The following THRB variants were observed in gnomAD, a reference collection of about 807,000 sequenced individuals.
The protein encoded by THRB is thyroid hormone receptor beta.
THRB carries 12 observed loss-of-function variants against 47.8 expected under a neutral mutation model. That is an observed-to-expected ratio of 0.25 (90% confidence interval 0.16 to 0.41). The LOEUF (loss-of-function observed/expected upper bound fraction) is 0.41. Among genes scored for constraint, THRB ranks in the 10% least tolerant of loss-of-function variants. The pLI, the probability that THRB is intolerant of heterozygous loss-of-function variation, is 1.00. For synonymous variants in THRB, 218 were observed against 212.2 expected (o/e 1.03, Z -0.24); for missense variants, 348 against 589.2 (o/e 0.59, Z 4.24).
chr3:24,255,187 G>C (rs561798413), intron 3 of THRB, among the ~76,000 whole-genome samples: 17 of 152,224 alleles, frequency 1.1e-4, no homozygotes, highest in Middle Eastern at 6.8e-3. Context: ...TTAAAGCACA[G>C]ATCTTAGATC....
At chr3:24,310,360 A>G (rs1210226594) in intron 2 of THRB, among the ~76,000 whole-genome samples, 1 of 152,248 alleles carries the variant, frequency 6.6e-6, no homozygotes, top group African/African-American at 2.4e-5. Flanking sequence ...AAGGAAAGGA[A>G]AACAGAAGAG....
intron 1 of THRB, among the ~76,000 whole-genome samples, chr3:24,466,682 A>G (rs2074181445): frequency 6.6e-6 from 1 of 152,224 alleles, no homozygotes; most frequent in African/African-American, 2.4e-5. Flanking sequence ...TTGTGTTTAT[A>G]CTATAGTGTA....
At chr3:24,405,861 A>G (rs890282260) in intron 1 of THRB, among the ~76,000 whole-genome samples, 1 of 151,586 alleles carries the variant, frequency 6.6e-6, no homozygotes, top group African/African-American at 2.4e-5. Flanking sequence ...CTTTCTGTCA[A>G]TTAGTATAGA....
chr3:24,454,452 CTG>C (rs2072975434), intron 1 of THRB, among the ~76,000 whole-genome samples: 1 of 152,128 alleles, frequency 6.6e-6, no homozygotes, highest in Non-Finnish European at 1.5e-5. Flanking sequence ...TAGCTGCAAA[CTG>C]AGAATATACT....
At chr3:24,123,474 G>C (rs962822638) in intron 10 of THRB, among the ~76,000 whole-genome samples, 1 of 152,158 alleles carries the variant, frequency 6.6e-6, no homozygotes, top group Non-Finnish European at 1.5e-5. Context: ...GAACAATTTT[G>C]AATTTTCACT....
At chr3:24,234,633 G>C (rs777362560) in intron 3 of THRB, among the ~76,000 whole-genome samples, 21 of 152,298 alleles carry the variant, frequency 1.4e-4, no homozygotes, top group Non-Finnish European at 2.4e-4. Flanking sequence ...CAAGGCTTAG[G>C]TGAAGAACCA....
chr3:24,380,981 G>A (rs1018136530), intron 1 of THRB, among the ~76,000 whole-genome samples: 3 of 151,964 alleles, frequency 2.0e-5, no homozygotes, highest in African/African-American at 7.3e-5. Flanking sequence ...TGGGTGTGGT[G>A]GTATGCACCT....
intron 1 of THRB, among the ~76,000 whole-genome samples, chr3:24,409,086 G>A (rs2150154978): frequency 6.6e-6 from 1 of 151,838 alleles, no homozygotes; most frequent in South Asian, 2.1e-4. Context: ...TCTTCTAAAG[G>A]AAGTGGTGGA....
At chr3:24,413,921 A>C (rs889113117) in intron 1 of THRB, among the ~76,000 whole-genome samples, 1 of 151,912 alleles carries the variant, frequency 6.6e-6, no homozygotes, top group Admixed American at 6.6e-5. Flanking sequence ...AAGGACAGAA[A>C]ACCAATTACC....
intron 8 of THRB, among the ~76,000 whole-genome samples, chr3:24,138,303 C>T (rs1258872562): frequency 6.6e-6 from 1 of 151,988 alleles, no homozygotes; most frequent in Admixed American, 6.6e-5. Context: ...GACAGGAAGA[C>T]CTGGGCAGAT....
chr3:24,152,530 T>C, intron 5 of THRB, 40 bp from the exon 6 acceptor site: 4 of 1,107,606 alleles, frequency 3.6e-6, no homozygotes, highest in South Asian at 1.3e-5. Context: ...AAAAATAATA[T>C]GTTAACGTCA....
At chr3:24,271,844 T>A (rs1200833792) in intron 3 of THRB, among the ~76,000 whole-genome samples, 1 of 152,122 alleles carries the variant, frequency 6.6e-6, no homozygotes, top group Non-Finnish European at 1.5e-5. Context: ...CTAGGGAACT[T>A]TGTTTCCCAA....
intron 1 of THRB, among the ~76,000 whole-genome samples, chr3:24,439,024 T>C (rs985716312): frequency 6.6e-6 from 1 of 152,108 alleles, no homozygotes; most frequent in Non-Finnish European, 1.5e-5. Context: ...TCTAGTCTGA[T>C]CCCACAGGGA....
intron 2 of THRB, among the ~76,000 whole-genome samples, chr3:24,308,528 T>C (rs1031511173): frequency 4.6e-5 from 7 of 152,242 alleles, no homozygotes; most frequent in African/African-American, 1.4e-4. Flanking sequence ...GAAATCTTTG[T>C]TATAAAAACA....
intron 1 of THRB, among the ~76,000 whole-genome samples, chr3:24,436,688 T>C (rs1369686128): frequency 6.6e-6 from 1 of 152,188 alleles, no homozygotes; most frequent in African/African-American, 2.4e-5. Flanking sequence ...TGCATTTCTA[T>C]GCATAGAGCA....
At chr3:24,465,640 G>C (rs1394901958) in intron 1 of THRB, among the ~76,000 whole-genome samples, 1 of 152,148 alleles carries the variant, frequency 6.6e-6, no homozygotes. Context: ...CTGACCTCAA[G>C]TGATCTGCAC....
At position 24,127,674 on chromosome 3, in the gene THRB, T is replaced by C. The variant is rs766280403; in HGVS notation, c.969A>G (p.Pro323=). Residue 323 remains proline (P), a synonymous_variant, in exon 10 of 11, where the codon CCA becomes CCG. Transcript: ENST00000646209. ...MSLRAAVRYD[P]ESETLTLNGE... ...CATTCAAGGTTAAAGTCTCACTTTCTGGGTCATAGCGCACAGCAGCGCGAA... is the reference window on the plus strand; with the variant it reads ...CATTCAAGGTTAAAGTCTCACTTTCCGGGTCATAGCGCACAGCAGCGCGAA... 6.2e-7 allele frequency: 1 copy of C among 1,614,232 alleles called. No homozygotes were observed. Among genetic ancestry groups the C allele is most frequent in the Non-Finnish European group, 8.5e-7 (1 of 1,180,046 alleles).
At chr3:24,481,350 G>T (rs977117084) in intron 1 of THRB, among the ~76,000 whole-genome samples, 2 of 146,772 alleles carry the variant, frequency 1.4e-5, no homozygotes, top group South Asian at 2.1e-4. Flanking sequence ...GTATATTCTG[G>T]TTCATCTGAG....
intron 6 of THRB, among the ~76,000 whole-genome samples, chr3:24,148,153 G>A (rs1288394613): frequency 6.6e-6 from 1 of 152,174 alleles, no homozygotes; most frequent in Non-Finnish European, 1.5e-5. Context: ...TTGAGACAGA[G>A]TCTCGCTCTG....
Sources: gnomAD v4.1 joint callset for allele counts (sites outside exome capture counted in the v4.1 genomes callset) on GRCh38, gnomAD v4.1.1 for gene constraint, MANE v1.5 for transcripts, NCBI Gene and HGNC (gene_info 2026-07-23, HGNC 2026-07-21) for gene names.